PCDHA3: variants seen among roughly 807,000 people sequenced by gnomAD.
PCDHA3 encodes protocadherin alpha 3, also known as protocadherin alpha-3.
In PCDHA3, 41 loss-of-function variants were observed where a neutral mutation model predicts 62.2. The ratio of observed to expected loss-of-function variants is 0.66; its 90% CI spans 0.51 to 0.86. The LOEUF is 0.86. PCDHA3 is among the 40% of genes least tolerant of loss of function. The pLI is 0.00. For missense variants in PCDHA3, 1,304 were observed against 1,241.2 expected (o/e 1.05, Z -0.76); for synonymous variants, 640 against 555.4 (o/e 1.15, Z -2.14).
intron 1 of PCDHA3, among the ~76,000 whole-genome samples, chr5:140,872,413 G>A (rs2053647330): frequency 6.6e-6 from 1 of 151,990 alleles, no homozygotes; most frequent in Admixed American, 6.6e-5. Flanking sequence ...AATTGCTTGA[G>A]CCCAAGAGTT....
intron 1 of PCDHA3, chr5:140,848,890 T>A (rs1554142528): frequency 3.1e-6 from 5 of 1,595,934 alleles, no homozygotes; most frequent in Non-Finnish European, 4.3e-6. Context: ...AACCCTCCAG[T>A]GTTCCCAGCG....
chr5:140,949,779 T>A (rs1414817850), intron 1 of PCDHA3, among the ~76,000 whole-genome samples: 1 of 151,898 alleles, frequency 6.6e-6, no homozygotes, highest in East Asian at 1.9e-4. Context: ...ATTTGATATG[T>A]TTAGATTTGT....
chr5:140,862,903 C>T lies in PCDHA3; in HGVS notation c.2394+59312C>T, dbSNP rs7714617. 5.0e-3 allele frequency: 2,780 copies of T among 551,318 alleles called. 56 individuals are homozygous for T. Among genetic ancestry groups the T allele is most frequent in the African/African-American group, 0.05 (2,518 of 50,680 alleles). 34.2% of individuals were successfully genotyped at this position (551,318 alleles called of 1,614,324 possible). ...TGCTGGAACGACAACTTTGTCTGCG[C>T]TGCTGGCGCCTTGGGTGGGCTGGCG... On this transcript the variant is annotated intron_variant, in intron 1 of 3. Transcript: ENST00000522353.
At chr5:140,964,954 G>A (rs140288048) in intron 1 of PCDHA3, among the ~76,000 whole-genome samples, 6 of 152,316 alleles carry the variant, frequency 3.9e-5, no homozygotes, top group Non-Finnish European at 7.4e-5. Flanking sequence ...AGTGTGCTTG[G>A]TTGGTGGAAC....
chr5:141,009,820 CT>C lies in PCDHA3; in HGVS notation c.2738del (p.Phe913SerfsTer2). On this transcript the variant is annotated frameshift_variant, in exon 4 of 4. Transcript: ENST00000522353. LOFTEE classifies it high-confidence loss of function. ...CTAACAGCCAAATTGACAAAAGTGACTTCATAACCTTCGGCAAAAAGGAGGA... is the reference window on the plus strand; with the variant it reads ...CTAACAGCCAAATTGACAAAAGTGACTCATAACCTTCGGCAAAAAGGAGGA... ...PTNSQIDKSDFITFGKKEETK... is the reference protein window; with the variant it reads ...PTNSQIDKSDXITFGKKEETK... 6.2e-7 allele frequency: 1 copy of C among 1,613,960 alleles called. No individual in the cohort carries two copies. Among genetic ancestry groups the C allele is most frequent in the Non-Finnish European group, 8.5e-7 (1 of 1,179,996 alleles).
At chr5:140,898,235 T>G (rs1386232934) in intron 1 of PCDHA3, among the ~76,000 whole-genome samples, 1 of 152,220 alleles carries the variant, frequency 6.6e-6, no homozygotes, top group Non-Finnish European at 1.5e-5. Flanking sequence ...TGCCATTGCT[T>G]TTGGTGTTTT....
intron 1 of PCDHA3, chr5:140,869,097 G>A (rs1344358126): frequency 2.5e-6 from 4 of 1,595,318 alleles, no homozygotes; most frequent in Non-Finnish European, 2.6e-6. Flanking sequence ...AGCCAATTTC[G>A]TATGCGATGT....
chr5:140,848,641 C>T, intron 1 of PCDHA3: 1 of 1,593,240 alleles, frequency 6.3e-7, no homozygotes, highest in South Asian at 1.1e-5. Flanking sequence ...GGCCGCATCG[C>T]GCAGGACCTG....
intron 1 of PCDHA3, chr5:140,821,797 A>G: frequency 6.2e-7 from 1 of 1,613,014 alleles, no homozygotes; most frequent in Non-Finnish European, 8.5e-7. Context: ...CCGGAGAGGA[A>G]GTCTGGGATC....
Position 140,807,876 on chromosome 5 carries a change from T to A in PCDHA3, c.2394+4285T>A, listed in dbSNP as rs781990148. 1.9e-6 allele frequency: 3 copies of A among 1,614,154 alleles called. No individual in the cohort carries two copies. In the South Asian group the frequency reaches 3.3e-5, roughly 18 times the overall value. On this transcript the variant is annotated intron_variant, in intron 1 of 3. Transcript: ENST00000522353. ...TTGACTGGCACCGTTCAGTTACTCA[T>A]CACAGTACTGGATGCCAATGACAAT...
chr5:140,845,477 G>A (rs2150379213), intron 1 of PCDHA3, among the ~76,000 whole-genome samples: 4 of 149,604 alleles, frequency 2.7e-5, no homozygotes, highest in Non-Finnish European at 6.0e-5. Flanking sequence ...ATTTGGGGTT[G>A]TGCTTTCACA....
At chr5:140,851,222 T>A in intron 1 of PCDHA3, 1 of 1,140,378 alleles carries the variant, frequency 8.8e-7, no homozygotes, top group Non-Finnish European at 1.1e-6. Context: ...TTAACATCAC[T>A]ATCATTTATT....
intron 1 of PCDHA3, chr5:140,882,163 GC>G: frequency 6.6e-7 from 1 of 1,509,690 alleles, no homozygotes; most frequent in Non-Finnish European, 8.9e-7. Flanking sequence ...AATACCTCTT[GC>G]GAATCCTTCC....
intron 1 of PCDHA3, among the ~76,000 whole-genome samples, chr5:140,945,351 A>C (rs1368185977): frequency 6.6e-6 from 1 of 152,138 alleles, no homozygotes; most frequent in Admixed American, 6.5e-5. Flanking sequence ...GGAAAAATTA[A>C]TACTGTTTAA....
At chr5:140,896,608 C>A (rs1356168334) in intron 1 of PCDHA3, among the ~76,000 whole-genome samples, 2 of 151,832 alleles carry the variant, frequency 1.3e-5, no homozygotes, top group Non-Finnish European at 2.9e-5. Context: ...AACTCCTGGT[C>A]TTAAGTGATC....
intron 3 of PCDHA3, among the ~76,000 whole-genome samples, chr5:140,983,223 C>T (rs2153830857): frequency 6.6e-6 from 1 of 152,270 alleles, no homozygotes; most frequent in Admixed American, 6.5e-5. Context: ...CTAATCCAAA[C>T]TTTCAGGAAA....
chr5:140,869,737 C>T (rs781857700), intron 1 of PCDHA3: 4 of 1,613,276 alleles, frequency 2.5e-6, no homozygotes, highest in Admixed American at 1.7e-5. Context: ...TAATTTGCTG[C>T]TAACAGCTAC....
At chr5:140,926,974 G>C (rs145276602) in intron 1 of PCDHA3, 2 of 1,610,140 alleles carry the variant, frequency 1.2e-6, no homozygotes, top group East Asian at 2.2e-5. Context: ...CTCAGTGCCG[G>C]AGGAGACGGA....
rs1554121556 is a variant in PCDHA3 at position 140,801,596 on chromosome 5, T to C, written c.399T>C (p.Phe133=). 1 of 1,614,148 alleles carries C rather than the reference T, an allele frequency of 6.2e-7. No homozygotes were observed. Among genetic ancestry groups the C allele is most frequent in the Non-Finnish European group, 8.5e-7 (1 of 1,180,014 alleles). The change falls in exon 1 of 4, where the codon TTT becomes TTC. Residue 133 remains phenylalanine (F), a synonymous_variant. Transcript: ENST00000522353. ...ACATTAATGACAACGCGCCAGTTTT[T>C]CCAATGGCTGTAAAGAATCTGTTTA... ...VKDINDNAPV[F]PMAVKNLFIS...
Sources: gnomAD v4.1 joint callset for allele counts (sites outside exome capture counted in the v4.1 genomes callset) on GRCh38, gnomAD v4.1.1 for gene constraint, MANE v1.5 for transcripts, NCBI Gene and HGNC (gene_info 2026-07-23, HGNC 2026-07-21) for gene names.